CCDC178: variants seen among roughly 807,000 people sequenced by gnomAD.
The protein encoded by CCDC178 is coiled-coil domain-containing protein 178.
In CCDC178, 126 loss-of-function variants were observed where a neutral mutation model predicts 117.4. That is an observed-to-expected ratio of 1.07 (90% CI 0.93 to 1.24). CCDC178 has a LOEUF of 1.24. Ranked by LOEUF, CCDC178 falls within the 50% of genes most tolerant of loss-of-function variation. The probability of loss-of-function intolerance (pLI) is 0.00; values close to 1 mark genes in which losing one functional copy is unlikely to be tolerated. For missense variants in CCDC178, 1,030 were observed against 986.9 expected (o/e 1.04, Z -0.59); for synonymous variants, 283 against 313.4 (o/e 0.90, Z 1.02).
chr18:33,266,850 G>T, intron 14 of CCDC178, 66 bp downstream of exon 14: 1 of 1,340,958 alleles, frequency 7.5e-7, no homozygotes, highest in South Asian at 1.6e-5. Context: ...ACACAAACTG[G>T]AGAGGTTTAT....
chr18:33,133,226 G>C (rs2058087089), intron 20 of CCDC178, among the ~76,000 whole-genome samples: 1 of 151,708 alleles, frequency 6.6e-6, no homozygotes, highest in East Asian at 1.9e-4. Flanking sequence ...TCAATAAGCA[G>C]AAAAATATTT....
intron 20 of CCDC178, among the ~76,000 whole-genome samples, chr18:33,139,352 G>C (rs976325508): frequency 2.0e-5 from 3 of 152,210 alleles, no homozygotes; most frequent in Non-Finnish European, 4.4e-5. Context: ...CTGGGTAACA[G>C]GCTGAGGTTG....
chr18:33,216,908 C>G (rs1265580351), intron 18 of CCDC178, among the ~76,000 whole-genome samples: 1 of 151,950 alleles, frequency 6.6e-6, no homozygotes, highest in Non-Finnish European at 1.5e-5. Flanking sequence ...AGAGAGCGGA[C>G]AGGTGTGAGT....
chr18:33,269,016 G>A (rs947892265), intron 12 of CCDC178, among the ~76,000 whole-genome samples: 1 of 151,754 alleles, frequency 6.6e-6, no homozygotes, highest in Non-Finnish European at 1.5e-5. Context: ...GCAGCCACCA[G>A]AGAGAGTAGA....
At chr18:33,349,431 G>A (rs2062941426) in intron 7 of CCDC178, among the ~76,000 whole-genome samples, 1 of 151,788 alleles carries the variant, frequency 6.6e-6, no homozygotes, top group African/African-American at 2.4e-5. Context: ...CTTCCTAGTA[G>A]CTATACTGTT....
At chr18:33,434,434 C>A (rs1171180881) in intron 2 of CCDC178, among the ~76,000 whole-genome samples, 1 of 152,076 alleles carries the variant, frequency 6.6e-6, no homozygotes, top group East Asian at 1.9e-4. Context: ...TAATTTTATA[C>A]ATGATTTCAT....
chr18:33,284,261 G>A (rs1177615435), intron 12 of CCDC178, among the ~76,000 whole-genome samples: 2 of 152,048 alleles, frequency 1.3e-5, no homozygotes, highest in Non-Finnish European at 2.9e-5. Flanking sequence ...TCAGAGGGTG[G>A]AGAGTGGGAG....
At chr18:33,340,495 G>C (rs2062802876) in intron 9 of CCDC178, among the ~76,000 whole-genome samples, 1 of 152,164 alleles carries the variant, frequency 6.6e-6, no homozygotes, top group African/African-American at 2.4e-5. Context: ...CAAGACCACG[G>C]GGAAAATGTC....
intron 22 of CCDC178, among the ~76,000 whole-genome samples, chr18:32,966,619 G>A (rs917400402): frequency 6.6e-6 from 1 of 151,844 alleles, no homozygotes; most frequent in African/African-American, 2.4e-5. Context: ...CTTTTAAAAA[G>A]TGTTAGAGCT....
intron 20 of CCDC178, among the ~76,000 whole-genome samples, chr18:33,106,873 CTT>C (rs764461487): frequency 1.3e-5 from 2 of 151,622 alleles, no homozygotes; most frequent in African/African-American, 2.4e-5. Flanking sequence ...CTATAACTGT[CTT>C]TGAAGATTAA....
intron 21 of CCDC178, among the ~76,000 whole-genome samples, chr18:32,979,477 T>C (rs557591730): frequency 6.6e-6 from 1 of 152,250 alleles, no homozygotes; most frequent in East Asian, 1.9e-4. Context: ...TAAATCAATA[T>C]GACCAATTTT....
At chr18:33,399,433 G>A (rs1019050942) in intron 3 of CCDC178, among the ~76,000 whole-genome samples, 8 of 152,280 alleles carry the variant, frequency 5.3e-5, no homozygotes, top group African/African-American at 1.9e-4. Flanking sequence ...AGCATATTAT[G>A]CACAGCAGAA....
intron 18 of CCDC178, among the ~76,000 whole-genome samples, chr18:33,217,399 TAAAAC>T (rs1348664474): frequency 6.6e-6 from 1 of 152,080 alleles, no homozygotes; most frequent in Admixed American, 6.6e-5. Context: ...ATATAGATCT[TAAAAC>T]AAATTCCTAT....
chr18:32,947,037 C>T (rs2054373521), intron 22 of CCDC178, among the ~76,000 whole-genome samples: 1 of 152,020 alleles, frequency 6.6e-6, no homozygotes, highest in African/African-American at 2.4e-5. Context: ...GCCTCGGCCT[C>T]CTAAAGAGTG....
chr18:33,090,833 C>A (rs1017460153), intron 21 of CCDC178, among the ~76,000 whole-genome samples: 2 of 152,146 alleles, frequency 1.3e-5, no homozygotes, highest in African/African-American at 4.8e-5. Context: ...ACCCAATCTC[C>A]CAGCAATCTC....
chr18:33,231,654 C>T (rs189155117), intron 15 of CCDC178, among the ~76,000 whole-genome samples: 70 of 152,240 alleles, frequency 4.6e-4, no homozygotes, highest in Non-Finnish European at 7.6e-4. Context: ...CAGCAAGGGG[C>T]GCTGTGTCCT....
chr18:33,180,328 T>C (rs1046345957), intron 20 of CCDC178, among the ~76,000 whole-genome samples: 1 of 151,918 alleles, frequency 6.6e-6, no homozygotes, highest in Non-Finnish European at 1.5e-5. Flanking sequence ...CCCCCAATGT[T>C]AATACTTTTT....
intron 21 of CCDC178, among the ~76,000 whole-genome samples, chr18:33,010,504 A>G (rs2055842073): frequency 6.6e-6 from 1 of 152,200 alleles, no homozygotes; most frequent in Non-Finnish European, 1.5e-5. Context: ...AAAATATTTC[A>G]GACCAAATAT....
rs969976189 is a variant in CCDC178, at chr18:33,126,879, A to G, written c.2239-33969T>C. ...CTGCATTTGGCCAGCTTAGCCTCCA[A>G]CTCCTGACCTCAGATGATCCCCACC... On this transcript the variant is annotated intron_variant, in intron 20 of 22. Coordinates refer to ENST00000383096, the MANE Select transcript of CCDC178 (RefSeq NM_001105528.4). 4.3e-4 allele frequency among the ~76,000 whole-genome samples: 65 copies of G among 150,964 alleles called. 1 individual carries two copies. Among genetic ancestry groups the G allele is most frequent in the Middle Eastern group, 3.4e-3 (1 of 292 alleles).
Sources: allele counts gnomAD v4.1 joint callset (sites outside exome capture counted in the v4.1 genomes callset), GRCh38; gene constraint gnomAD v4.1.1; transcripts MANE v1.5; gene names NCBI Gene and HGNC (gene_info 2026-07-23, HGNC 2026-07-21).